The following ACSBG1 variants were observed in gnomAD, a reference collection of about 807,000 sequenced individuals.
ACSBG1 encodes the protein long-chain-fatty-acid--CoA ligase ACSBG1.
ACSBG1 carries 39 observed loss-of-function variants against 80.2 expected under a neutral mutation model. The observed-to-expected ratio is 0.49, with a 90% CI of 0.38 to 0.64. The LOEUF (loss-of-function observed/expected upper bound fraction) is 0.64. Ranked by LOEUF, ACSBG1 falls within the 30% of genes least tolerant of loss-of-function variation. The pLI is 0.00. For missense variants in ACSBG1, 828 were observed against 966.4 expected (o/e 0.86, Z 1.90); for synonymous variants, 392 against 379.5 (o/e 1.03, Z -0.38).
chr15:78,193,603 G>T lies in ACSBG1; in HGVS notation c.566C>A (p.Thr189Asn), dbSNP rs936968984. The T allele has an allele frequency of 6.2e-7, 1 of 1,613,684 alleles. No homozygotes were observed. The highest frequency in any genetic ancestry group is 1.3e-5 in the African/African-American group (1 of 74,916). ...FAGGIVTGIY[T>N]TSSPEACQYI... The stretch of plus-strand genomic sequence containing the variant: ...CTGGCAGGCCTCTGGGGAGCTGGTG[G>T]TGTAGATGCCAGTGACGATGCCACT... Residue 189 changes from threonine to asparagine, a missense_variant, in exon 5 of 14, where the codon ACC (threonine) becomes AAC (asparagine). Physicochemically the swap from Thr to Asn is moderately conservative, Grantham distance 65. This residue lies in a region of ACSBG1 where 356 missense variants were observed against 363.5 expected (regional missense o/e 0.98). Transcript: ENST00000258873.
In ACSBG1 at chr15:78,171,393, G is replaced by A. The variant is rs1487449344; in HGVS notation, c.*51C>T. On this transcript the variant is annotated 3_prime_UTR_variant, in exon 14 of 14. Transcript: ENST00000258873. ...GAAGAGACCTGGGGCTCAGGAAGAG[G>A]CTCGGAACGCCTGCCCTCTATTCTA... 2.7e-6 allele frequency: 4 copies of A among 1,506,428 alleles called. No individual in the cohort carries two copies. The African/African-American group carries it at 4.1e-5, about 16-fold the overall frequency. 93.3% of individuals were successfully genotyped at this position (1,506,428 alleles called of 1,614,324 possible).
At chr15:78,185,512 A>T (rs1172421551) in intron 5 of ACSBG1, among the ~76,000 whole-genome samples, 4 of 152,226 alleles carry the variant, frequency 2.6e-5, no homozygotes, top group African/African-American at 9.6e-5. Context: ...AAATGGAAAA[A>T]AATTACTTGT....
chr15:78,213,081 A>G (rs536000196), intron 1 of ACSBG1, among the ~76,000 whole-genome samples: 1 of 152,276 alleles, frequency 6.6e-6, no homozygotes, highest in South Asian at 2.1e-4. Context: ...TGGCTGGAGA[A>G]TGTTCTCCAT....
chr15:78,185,194 A>T (rs1387570375), intron 5 of ACSBG1, among the ~76,000 whole-genome samples: 2 of 152,242 alleles, frequency 1.3e-5, no homozygotes, highest in African/African-American at 4.8e-5. Flanking sequence ...AGAGAACTAT[A>T]TAGAGAAAGA....
At position 78,177,896 on chromosome 15, in the gene ACSBG1, TTCTG is replaced by T. The variant is rs2074898646; in HGVS notation, c.1702+714_1702+717del. Among the ~76,000 whole-genome samples the T allele has an allele frequency of 1.3e-5, 2 of 152,218 alleles. No individual in the cohort carries two copies. On this transcript the variant is annotated intron_variant, in intron 11 of 13. Transcript: ENST00000258873. The surrounding 1 kb of genome is among the most constrained non-coding windows in gnomAD (Gnocchi z 4.1). ...CTTCCACAGAGGCATCCCCAACTAT[TTCTG>T]TCTCTGTGGGAAGTTTGTCTTATTT...
Position 78,169,145 on chromosome 15 carries a change from T to G in ACSBG1, c.*2299A>C. 3.9e-6 allele frequency: 2 copies of G among 508,430 alleles called. No homozygotes were observed. Among genetic ancestry groups the G allele is most frequent in the Admixed American group, 7.1e-5 (2 of 28,164 alleles). The allele number at this position is 508,430 out of a possible 1,614,324, so 31.5% of individuals were successfully genotyped here. A position where few individuals can be genotyped will look rare whatever the true frequency, so the allele number is the denominator to read the frequency against. Reference sequence around the variant, plus strand: ...TAGATCTGGCCTTTTCTTAACAAAATCTGTGCAAAAGATGCAGGTGGATGT... The same window carrying G: ...TAGATCTGGCCTTTTCTTAACAAAAGCTGTGCAAAAGATGCAGGTGGATGT... On this transcript the variant is annotated 3_prime_UTR_variant, in exon 14 of 14. Transcript: ENST00000258873.
rs2074783659 is a variant in ACSBG1 at position 78,168,813 on chromosome 15, A to C, written c.*2631T>G. On this transcript the variant is annotated 3_prime_UTR_variant, in exon 14 of 14. Coordinates refer to ENST00000258873, the MANE Select transcript of ACSBG1 (RefSeq NM_015162.5). The stretch of plus-strand genomic sequence containing the variant: ...TTTGAAATGAGGAACTAAATGAAAG[A>C]GCAGCCGAGTAACTTGCCCAGGTGG... 1 of 679,620 alleles carries C rather than the reference A, an allele frequency of 1.5e-6. No homozygotes were observed. The highest frequency in any genetic ancestry group is 1.8e-5 in the African/African-American group (1 of 56,280). 42.1% of individuals were successfully genotyped at this position (679,620 alleles called of 1,614,324 possible). A position where few individuals can be genotyped will look rare whatever the true frequency, so the allele number is the denominator to read the frequency against.
intron 1 of ACSBG1, among the ~76,000 whole-genome samples, chr15:78,212,154 G>A (rs556998148): frequency 1.5e-4 from 23 of 152,168 alleles, no homozygotes; most frequent in Non-Finnish European, 1.6e-4. Context: ...TGAAGTAGGT[G>A]CTCAATGAAC....
intron 1 of ACSBG1, among the ~76,000 whole-genome samples, chr15:78,227,954 G>A (rs1381333964): frequency 6.6e-6 from 1 of 152,172 alleles, no homozygotes; most frequent in Non-Finnish European, 1.5e-5. Flanking sequence ...TCAGAACAGT[G>A]GTTACTTATG....
intron 1 of ACSBG1, among the ~76,000 whole-genome samples, chr15:78,217,787 G>T (rs903939658): frequency 1.3e-5 from 2 of 152,070 alleles, no homozygotes; most frequent in African/African-American, 4.8e-5. Flanking sequence ...GGCTGGTCTC[G>T]TACTCCTGAC....
rs144574012 is a variant in ACSBG1, at chr15:78,173,663, C to G, written c.2019G>C (p.Ala673=). 4.3e-6 allele frequency: 7 copies of G among 1,614,094 alleles called. No homozygotes were observed. In the Admixed American group the frequency reaches 8.3e-5, roughly 19 times the overall value. Reference sequence around the variant, plus strand: ...ACTTCTGGATGTGGTAGGGCCGGGCCGCCGCGTTCATGTTGACCCTCCGGA... The same window carrying G: ...ACTTCTGGATGTGGTAGGGCCGGGCGGCCGCGTTCATGTTGACCCTCCGGA... ...EGIRRVNMNA[A]ARPYHIQKWA... Residue 673 remains alanine (A), a synonymous_variant, in exon 13 of 14, where the codon GCG becomes GCC. Transcript: ENST00000258873.
chr15:78,200,820 G>C (rs1385032281), intron 2 of ACSBG1, among the ~76,000 whole-genome samples: 1 of 152,134 alleles, frequency 6.6e-6, no homozygotes, highest in East Asian at 1.9e-4. Context: ...CTAAATCCAG[G>C]TCTGACCTGC....
At position 78,192,877 on chromosome 15, in the gene ACSBG1, G is replaced by T. The variant is rs117953684; in HGVS notation, c.663+629C>A. ...GGAGCCCTTGAATGCCTTAAAGGCT[G>T]TTGGGTTCAGCTGGGACAGAGAGGT... On this transcript the variant is annotated intron_variant, in intron 5 of 13. Coordinates refer to ENST00000258873, the MANE Select transcript of ACSBG1 (RefSeq NM_015162.5). Among the ~76,000 whole-genome samples, 23 of 152,302 alleles carry T rather than the reference G, an allele frequency of 1.5e-4. No homozygotes were observed. The East Asian group carries it at 4.4e-3, about 29-fold the overall frequency.
At chr15:78,207,800 C>T (rs2141367173) in intron 2 of ACSBG1, 2 of 586,594 alleles carry the variant, frequency 3.4e-6, no homozygotes, top group South Asian at 4.2e-5. Flanking sequence ...ATCCCTCATT[C>T]CTTTCCATCA....
intron 12 of ACSBG1, 60 bp downstream of exon 12, chr15:78,174,325 G>C: frequency 1.2e-6 from 2 of 1,611,802 alleles, no homozygotes; most frequent in South Asian, 1.1e-5. Flanking sequence ...GCTTCTGCCA[G>C]CCAGACCCAC....
At position 78,234,048 on chromosome 15, in the gene ACSBG1, C is replaced by T. The variant is rs144082405; in HGVS notation, c.131+323G>A. 4.5e-3 allele frequency among the ~76,000 whole-genome samples: 678 copies of T among 152,320 alleles called. 9 individuals carry two copies. Among genetic ancestry groups the T allele is most frequent in the African/African-American group, 0.015 (637 of 41,580 alleles). ...GTCTTTGACCCCCGCAGGCAAAAGTCCCCCTTGAGGAGACAGGGAAACATT... is the reference window on the plus strand; with the variant it reads ...GTCTTTGACCCCCGCAGGCAAAAGTTCCCCTTGAGGAGACAGGGAAACATT... On this transcript the variant is annotated intron_variant, in intron 1 of 13. Transcript: ENST00000258873.
At chr15:78,203,980 A>C (rs1004648678) in intron 2 of ACSBG1, among the ~76,000 whole-genome samples, 1 of 152,190 alleles carries the variant, frequency 6.6e-6, no homozygotes, top group Admixed American at 6.5e-5. Context: ...AGGGATACAG[A>C]AGAGGAAGAG....
chr15:78,174,968 C>T (rs774337538), intron 11 of ACSBG1, among the ~76,000 whole-genome samples: 1 of 152,244 alleles, frequency 6.6e-6, no homozygotes, highest in Non-Finnish European at 1.5e-5. Context: ...AGCAGACACT[C>T]TTATTGTTTT....
At chr15:78,208,510 G>A (rs1437862836) in intron 1 of ACSBG1, among the ~76,000 whole-genome samples, 1 of 152,172 alleles carries the variant, frequency 6.6e-6, no homozygotes, top group African/African-American at 2.4e-5. Flanking sequence ...TTGGGGCGGG[G>A]GTTCCCCCAT....
Sources: gnomAD v4.1 joint callset for allele counts (sites outside exome capture counted in the v4.1 genomes callset) on GRCh38, gnomAD v4.1.1 for gene constraint, gnomAD v4.1.1 regional missense constraint, Gnocchi (gnomAD v3.1) non-coding constraint, MANE v1.5 for transcripts, NCBI Gene and HGNC (gene_info 2026-07-23, HGNC 2026-07-21) for gene names.